Variants in GNB4 observed in about 807,000 individuals in gnomAD.
GNB4 encodes G protein subunit beta 4.
A neutral mutation model predicts 45.2 loss-of-function variants in GNB4; 28 were observed. That is an observed-to-expected ratio of 0.62 (90% confidence interval 0.46 to 0.85). The LOEUF (loss-of-function observed/expected upper bound fraction) is 0.85, where lower values mean the gene tolerates loss of function less well. Among genes scored for constraint, GNB4 ranks in the 40% least tolerant of loss-of-function variants. The pLI, the probability that GNB4 is intolerant of heterozygous loss-of-function variation, is 0.00. For synonymous variants in GNB4, 132 were observed against 143.7 expected, an observed-to-expected ratio of 0.92 and a Z score of 0.58; for missense variants, 321 against 425.4, an observed-to-expected ratio of 0.75 and a Z score of 2.16.
At chr3:179,414,491 G>C (rs1406636540) in intron 6 of GNB4, among the ~76,000 whole-genome samples, 1 of 152,130 alleles carries the variant, frequency 6.6e-6, no homozygotes, top group East Asian at 1.9e-4. Context: ...GGCAAACAAA[G>C]CAATACACTA....
rs763269602 is a variant in GNB4 at position 179,426,121 on chromosome 3, A to G, written c.57+23T>C. 19 of 1,592,938 alleles carry G rather than the reference A, an allele frequency of 1.2e-5. No individual in the cohort carries two copies. The East Asian group carries it at 3.6e-4, about 30-fold the overall frequency. On this transcript the variant is annotated intron_variant, in intron 2 of 9. Coordinates refer to ENST00000232564, the MANE Select transcript of GNB4 (RefSeq NM_021629.4). ...TTCCTGGTACTAAATAAGTGCTAAC[A>G]TTTTGAAATGAAAAGGTTTTACCTG... is the stretch of plus-strand genomic sequence containing the variant.
chr3:179,445,920 C>A (rs574479381), intron 1 of GNB4, among the ~76,000 whole-genome samples: 32 of 152,132 alleles, frequency 2.1e-4, no homozygotes, highest in African/African-American at 7.7e-4. Context: ...AGTGGAGGAA[C>A]AATTAAGCTG....
chr3:179,524,854 T>C, the GNB4 span, among the ~76,000 whole-genome samples: 2 of 152,018 alleles, frequency 1.3e-5, no homozygotes, highest in African/African-American at 4.8e-5. Flanking sequence ...GAGGAAATTA[T>C]TGGGCAGGTG....
chr3:179,413,354 A>G, intron 8 of GNB4, 58 bp downstream of exon 8: 1 of 1,336,652 alleles, frequency 7.5e-7, no homozygotes, highest in Admixed American at 1.7e-5. Context: ...AAATCATGCC[A>G]TAGAGCTCAA....
chr3:179,516,973 T>C, the GNB4 span, among the ~76,000 whole-genome samples: 1 of 151,388 alleles, frequency 6.6e-6, no homozygotes, highest in Non-Finnish European at 1.5e-5. Context: ...TTGAGAAGAG[T>C]TTTTATTAAA....
chr3:179,488,634 G>C, the GNB4 span, among the ~76,000 whole-genome samples: 3 of 152,064 alleles, frequency 2.0e-5, no homozygotes, highest in Admixed American at 2.0e-4. Flanking sequence ...TAACTATAAA[G>C]TATAGGTTTC....
intron 9 of GNB4, among the ~76,000 whole-genome samples, chr3:179,404,964 TAAG>T (rs1714420320): frequency 6.6e-6 from 1 of 152,154 alleles, no homozygotes; most frequent in Non-Finnish European, 1.5e-5. Context: ...GTCTACCAAA[TAAG>T]AAAATATTAC....
intron 1 of GNB4, among the ~76,000 whole-genome samples, chr3:179,438,237 A>G (rs543927864): frequency 6.6e-6 from 1 of 152,380 alleles, no homozygotes; most frequent in African/African-American, 2.4e-5. Flanking sequence ...GAAGGTAGGT[A>G]CCAGTATCAT....
At chr3:179,417,938 G>A (rs561216008) in intron 4 of GNB4, among the ~76,000 whole-genome samples, 2 of 152,222 alleles carry the variant, frequency 1.3e-5, no homozygotes, top group African/African-American at 4.8e-5. Context: ...GGCATCATCA[G>A]CATAAGAGTT....
chr3:179,514,728 A>G, the GNB4 span, among the ~76,000 whole-genome samples: 8 of 152,188 alleles, frequency 5.3e-5, no homozygotes, highest in African/African-American at 9.6e-5. Flanking sequence ...CCTGCAAGCC[A>G]AGGAGAGAGG....
chr3:179,474,105 A>G, the GNB4 span, among the ~76,000 whole-genome samples: 2 of 152,158 alleles, frequency 1.3e-5, no homozygotes, highest in African/African-American at 4.8e-5. Flanking sequence ...TGGGAGGATC[A>G]CTCAAGCCCA....
rs369992220 is a variant in GNB4, at chr3:179,403,351, TAAAAA to T, written c.916+1834_916+1838del. ...AAAGATGATGCTTGAAGAAGAAACTTAAAAAAAAAATTCTTTCACTAATAATAGCT... is the reference window on the plus strand; with the variant it reads ...AAAGATGATGCTTGAAGAAGAAACTTAAAAATTCTTTCACTAATAATAGCT... On this transcript the variant is annotated intron_variant, in intron 9 of 9. Transcript: ENST00000232564. Among the ~76,000 whole-genome samples the T allele has an allele frequency of 4.7e-5, 7 of 148,848 alleles. 2 individuals are homozygous for T. The highest frequency in any genetic ancestry group is 6.7e-5 in the Admixed American group (1 of 15,006).
At chr3:179,476,433 T>C in the GNB4 span, among the ~76,000 whole-genome samples, 1 of 152,220 alleles carries the variant, frequency 6.6e-6, no homozygotes, top group East Asian at 1.9e-4. Flanking sequence ...GGAGTCTTGT[T>C]CCTGCAGCTC....
At chr3:179,438,117 G>C (rs1344874320) in intron 1 of GNB4, among the ~76,000 whole-genome samples, 3 of 151,976 alleles carry the variant, frequency 2.0e-5, no homozygotes, top group Non-Finnish European at 4.4e-5. Context: ...AACTTAAAAA[G>C]TACCAACTAG....
Position 179,399,872 on chromosome 3 carries a change from T to C in GNB4, c.*1341A>G, listed in dbSNP as rs576171846. On this transcript the variant is annotated 3_prime_UTR_variant, in exon 10 of 10. Coordinates refer to ENST00000232564, the MANE Select transcript of GNB4 (RefSeq NM_021629.4). ...TTCTATTATCAGTCATTTAGACTTA[T>C]TTGTAAAAGAGAATCCAACAGGAAA... 1 of 152,238 alleles carries C rather than the reference T, an allele frequency of 6.6e-6. No individual in the cohort carries two copies. The highest frequency in any genetic ancestry group is 2.4e-5 in the African/African-American group (1 of 41,466). The allele number at this position is 152,238 out of a possible 1,614,324, so 9.4% of individuals were successfully genotyped here.
the GNB4 span, among the ~76,000 whole-genome samples, chr3:179,467,869 A>C: frequency 2.0e-5 from 3 of 151,736 alleles, no homozygotes; most frequent in Non-Finnish European, 4.4e-5. Flanking sequence ...TATGATGTAA[A>C]ATGTGATATT....
At chr3:179,477,547 A>G in the GNB4 span, among the ~76,000 whole-genome samples, 1,353 of 152,230 alleles carry the variant, frequency 8.9e-3, 33 homozygotes, top group African/African-American at 0.031. Flanking sequence ...CTTTCTATCC[A>G]TACTTCTACC....
the GNB4 span, among the ~76,000 whole-genome samples, chr3:179,484,467 A>C: frequency 6.6e-6 from 1 of 152,230 alleles, no homozygotes; most frequent in Non-Finnish European, 1.5e-5. Context: ...GGCCATGCGC[A>C]CAGCAGTGAA....
At chr3:179,437,556 C>A (rs1270320841) in intron 1 of GNB4, among the ~76,000 whole-genome samples, 1 of 144,082 alleles carries the variant, frequency 6.9e-6, no homozygotes. Context: ...AAGAGCAAGT[C>A]TATCTCAAAA....
Sources: allele counts gnomAD v4.1 joint callset (sites outside exome capture counted in the v4.1 genomes callset), GRCh38; gene constraint gnomAD v4.1.1; transcripts MANE v1.5; gene names NCBI Gene and HGNC (gene_info 2026-07-23, HGNC 2026-07-21).